DTHD1: variants seen among roughly 807,000 people sequenced by gnomAD.
DTHD1 encodes the protein death domain-containing protein 1.
In DTHD1, 59 loss-of-function variants were observed where a neutral mutation model predicts 74.8. That is an observed-to-expected ratio of 0.79 (90% CI 0.64 to 0.98). The LOEUF (loss-of-function observed/expected upper bound fraction) is 0.98, where lower values mean the gene tolerates loss of function less well. Among genes scored for constraint, DTHD1 ranks in the 50% least tolerant of loss-of-function variants. DTHD1 has a pLI of 0.00. For synonymous variants in DTHD1, 365 were observed against 371.1 expected, an observed-to-expected ratio of 0.98 and a Z score of 0.19; for missense variants, 1,051 against 1,065.4, an observed-to-expected ratio of 0.99 and a Z score of 0.19.
chr4:36,285,609 A>C (rs1364059326), intron 2 of DTHD1, among the ~76,000 whole-genome samples: 1 of 151,068 alleles, frequency 6.6e-6, no homozygotes, highest in African/African-American at 2.4e-5. Flanking sequence ...TTCACAGACC[A>C]TATTTTCCCA....
chr4:36,314,698 A>G (rs1757602509), intron 7 of DTHD1, among the ~76,000 whole-genome samples: 1 of 151,714 alleles, frequency 6.6e-6, no homozygotes, highest in Non-Finnish European at 1.5e-5. Context: ...GTCTCAAAAA[A>G]AAAGAAAAGA....
chr4:36,314,735 T>C (rs1443775142), intron 7 of DTHD1, among the ~76,000 whole-genome samples: 1 of 142,140 alleles, frequency 7.0e-6, no homozygotes, highest in Non-Finnish European at 1.5e-5. Flanking sequence ...GACATTTCTT[T>C]AAACAATCTG....
rs78612552 is a variant in DTHD1 at position 36,286,089 on chromosome 4, T to C, written c.887+1498T>C. Among the ~76,000 whole-genome samples the C allele has an allele frequency of 6.4e-3, 975 of 152,318 alleles. 12 individuals are homozygous for C. Among genetic ancestry groups the C allele is most frequent in the African/African-American group, 0.022 (923 of 41,574 alleles). ...TGAAGAGGTGGTTCTAATTTGGCCG[T>C]AATGTTTCTACAGGTCAGAGTCTGA... On this transcript the variant is annotated intron_variant, in intron 2 of 9. Coordinates refer to ENST00000639862, the MANE Select transcript of DTHD1 (RefSeq NM_001170700.3).
At chr4:36,329,158 A>T (rs1328980061) in intron 8 of DTHD1, among the ~76,000 whole-genome samples, 3 of 152,128 alleles carry the variant, frequency 2.0e-5, no homozygotes, top group Non-Finnish European at 2.9e-5. Flanking sequence ...ACCGCCTGTC[A>T]TTTCCTTTGT....
intron 8 of DTHD1, among the ~76,000 whole-genome samples, chr4:36,327,771 C>T (rs772396744): frequency 6.6e-5 from 10 of 152,140 alleles, no homozygotes; most frequent in Non-Finnish European, 1.3e-4. Context: ...TCACTGCTTC[C>T]ATATATATTC....
At chr4:36,313,955 T>C (rs986708844) in intron 7 of DTHD1, among the ~76,000 whole-genome samples, 1 of 152,062 alleles carries the variant, frequency 6.6e-6, no homozygotes, top group Non-Finnish European at 1.5e-5. Flanking sequence ...TTACCTAATT[T>C]ACTATTTAGA....
intron 8 of DTHD1, among the ~76,000 whole-genome samples, chr4:36,337,724 G>T (rs1457594612): frequency 6.6e-6 from 1 of 152,032 alleles, no homozygotes; most frequent in Non-Finnish European, 1.5e-5. Flanking sequence ...TGTAATATTT[G>T]TGACAAGGAT....
At chr4:36,289,208 G>A (rs965379087) in intron 2 of DTHD1, among the ~76,000 whole-genome samples, 1 of 151,934 alleles carries the variant, frequency 6.6e-6, no homozygotes, top group African/African-American at 2.4e-5. Flanking sequence ...CATTTCACTG[G>A]TATAAATGAG....
rs1757174082 is a variant in DTHD1 at position 36,308,278 on chromosome 4, C to T, written c.1880C>T (p.Ala627Val). 2.6e-6 allele frequency: 4 copies of T among 1,552,122 alleles called. No homozygotes were observed. Among genetic ancestry groups the T allele is most frequent in the African/African-American group, 2.7e-5 (2 of 73,162 alleles). Residue 627 changes from alanine (A) to valine (V), a missense_variant, in exon 7 of 10, where the codon GCC (alanine) becomes GTC (valine). Physicochemically the swap from Ala to Val is moderately conservative, Grantham distance 64. Coordinates refer to ENST00000639862, the MANE Select transcript of DTHD1 (RefSeq NM_001170700.3). The part of the protein sequence containing the change: ...LVTFVKSLEE[A>V]MLSTTACIVL... The stretch of plus-strand genomic sequence containing the variant: ...ACTTTTGTGAAATCTTTAGAGGAAG[C>T]CATGCTCAGCACCACTGCCTGCATA...
chr4:36,343,739 G>A lies in DTHD1; in HGVS notation c.2636G>A (p.Ser879Asn). 6.4e-7 allele frequency: 1 copy of A among 1,551,458 alleles called. No homozygotes were observed. Among genetic ancestry groups the A allele is most frequent in the South Asian group, 1.2e-5 (1 of 84,058 alleles). ...CGACATCTCCGCAAGATTGGCAGGA[G>A]TGATCTTGCAGAAGAGCTCAAATTC... The part of the protein sequence containing the change: ...LARHLRKIGR[S>N]DLAEELKFKW... Residue 879 changes from serine to asparagine, a missense_variant, in exon 10 of 10, where the codon AGT becomes AAT. Physicochemically the swap from Ser to Asn is conservative, Grantham distance 46 (BLOSUM62 1). Coordinates refer to ENST00000639862, the MANE Select transcript of DTHD1 (RefSeq NM_001170700.3).
chr4:36,290,341 T>A, intron 2 of DTHD1, 32 bp from the exon 3 acceptor site: 1 of 1,516,416 alleles, frequency 6.6e-7, no homozygotes, highest in Non-Finnish European at 8.9e-7. Context: ...AATCAAATAA[T>A]TGGAAAAATG....
Position 36,316,309 on chromosome 4 carries a change from A to T in DTHD1, c.2163A>T (p.Glu721Asp), listed in dbSNP as rs1757726850. Reference protein sequence around the residue: ...IFHLQRKPRLELQIKEVDEFG... With the variant: ...IFHLQRKPRLDLQIKEVDEFG... ...ACTTGCAAAGAAAACCTAGGCTGGA[A>T]CTCCAAATCAAAGAAGTGGACGAAT... Residue 721 changes from glutamate (E) to aspartate (D), a missense_variant, in exon 8 of 10, where the codon GAA becomes GAT. By Grantham distance (45) the Glu-to-Asp change is conservative. Coordinates refer to ENST00000639862, the MANE Select transcript of DTHD1 (RefSeq NM_001170700.3). 6.4e-7 allele frequency: 1 copy of T among 1,551,946 alleles called. No homozygotes were observed. The highest frequency in any genetic ancestry group is 2.4e-5 in the East Asian group (1 of 40,912).
At chr4:36,283,229 G>A (rs952307906) in intron 1 of DTHD1, among the ~76,000 whole-genome samples, 3 of 152,224 alleles carry the variant, frequency 2.0e-5, no homozygotes, top group Admixed American at 2.0e-4. Flanking sequence ...AAATAGGAGA[G>A]TGGGAAGAAT....
Position 36,281,723 on chromosome 4 carries a change from C to T in DTHD1, c.-36C>T. 8.1e-7 allele frequency: 1 copy of T among 1,234,764 alleles called. No individual in the cohort carries two copies. Among genetic ancestry groups the T allele is most frequent in the Non-Finnish European group, 1.0e-6 (1 of 988,602 alleles). The allele number at this position is 1,234,764 out of a possible 1,614,324, so 76.5% of individuals were successfully genotyped here. ...GAATTTGCAAAACCTTTAGGCTTTG[C>T]TGGCAGGAGAGAAAATACCACTTTT... is the stretch of plus-strand genomic sequence containing the variant. On this transcript the variant is annotated 5_prime_UTR_variant, in exon 1 of 10. Transcript: ENST00000639862.
chr4:36,327,740 A>C (rs1005409092), intron 8 of DTHD1, among the ~76,000 whole-genome samples: 1 of 152,144 alleles, frequency 6.6e-6, no homozygotes, highest in Admixed American at 6.5e-5. Flanking sequence ...TCTATTCCAG[A>C]CTGCTTTTGA....
intron 5 of DTHD1, among the ~76,000 whole-genome samples, chr4:36,297,271 A>G (rs1207313133): frequency 2.0e-5 from 3 of 152,096 alleles, no homozygotes; most frequent in African/African-American, 7.2e-5. Flanking sequence ...TTCTTCCTTT[A>G]TTCCTTTAAT....
chr4:36,318,976 C>T (rs539204188), intron 8 of DTHD1, among the ~76,000 whole-genome samples: 5 of 152,224 alleles, frequency 3.3e-5, no homozygotes, highest in African/African-American at 7.2e-5. Context: ...CTTACGCATG[C>T]GGCAATTTTC....
chr4:36,298,205 G>T lies in DTHD1; in HGVS notation c.1643+3166G>T, dbSNP rs1207781496. Among the ~76,000 whole-genome samples the T allele has an allele frequency of 1.3e-4, 20 of 151,306 alleles. 1 individual carries two copies. Among genetic ancestry groups the T allele is most frequent in the Admixed American group, 3.3e-4 (5 of 15,172 alleles). On this transcript the variant is annotated intron_variant, in intron 5 of 9. Coordinates refer to ENST00000639862, the MANE Select transcript of DTHD1 (RefSeq NM_001170700.3). ...GGAGGAATCAAGTGCTCTTTTTTTT[G>T]TGTGTGTGCCAACCCCATCCTTTGT...
intron 8 of DTHD1, among the ~76,000 whole-genome samples, chr4:36,326,704 A>G (rs1021512493): frequency 6.6e-6 from 1 of 152,238 alleles, no homozygotes; most frequent in African/African-American, 2.4e-5. Context: ...TGAAAAAGCA[A>G]TTGAAGGTGG....
Sources: allele counts gnomAD v4.1 joint callset (sites outside exome capture counted in the v4.1 genomes callset), GRCh38; gene constraint gnomAD v4.1.1; transcripts MANE v1.5; gene names NCBI Gene and HGNC (gene_info 2026-07-23, HGNC 2026-07-21).